PHKB: variants seen among roughly 807,000 people sequenced by gnomAD.
PHKB encodes phosphorylase kinase regulatory subunit beta.
PHKB carries 122 observed loss-of-function variants against 152.1 expected under a neutral mutation model. The observed-to-expected ratio is 0.80, with a 90% confidence interval of 0.69 to 0.93. The LOEUF is 0.93. PHKB is among the 40% of genes least tolerant of loss of function. The pLI is 0.00. For synonymous variants in PHKB, 436 were observed against 464.9 expected (o/e 0.94, Z 0.80); for missense variants, 1,304 against 1,328.4 (o/e 0.98, Z 0.29).
At chr16:47,626,369 A>G (rs1009907632) in intron 14 of PHKB, among the ~76,000 whole-genome samples, 6 of 152,186 alleles carry the variant, frequency 3.9e-5, no homozygotes, top group African/African-American at 1.4e-4. Context: ...TGGCCCTTGC[A>G]TTATCTTTCC....
At chr16:47,501,460 C>G (rs1488368751) in intron 3 of PHKB, among the ~76,000 whole-genome samples, 1 of 151,950 alleles carries the variant, frequency 6.6e-6, no homozygotes, top group African/African-American at 2.4e-5. Flanking sequence ...GTATTTGAGC[C>G]AAGACTATGT....
chr16:47,549,614 G>A (rs1361583866), intron 7 of PHKB, among the ~76,000 whole-genome samples: 1 of 152,124 alleles, frequency 6.6e-6, no homozygotes, highest in East Asian at 1.9e-4. Flanking sequence ...AGACTCTCTT[G>A]AACCTGGGAG....
chr16:47,495,485 C>G (rs755976873), intron 1 of PHKB, among the ~76,000 whole-genome samples: 2 of 152,058 alleles, frequency 1.3e-5, no homozygotes, highest in Non-Finnish European at 2.9e-5. Context: ...TAATAGAGAT[C>G]TAAATAAAAA....
At chr16:47,566,029 C>G (rs1971559179) in intron 7 of PHKB, 2 of 692,714 alleles carry the variant, frequency 2.9e-6, no homozygotes, top group Non-Finnish European at 5.1e-6. Flanking sequence ...CAGTCCTCAC[C>G]TCCTCTGTAG....
chr16:47,654,387 G>A (rs368496098), intron 20 of PHKB, among the ~76,000 whole-genome samples: 12 of 152,116 alleles, frequency 7.9e-5, no homozygotes, highest in Admixed American at 3.3e-4. Flanking sequence ...TGTGGATGTC[G>A]GTGTGGCGAT....
At chr16:47,566,423 T>C in intron 7 of PHKB, 5 of 1,609,048 alleles carry the variant, frequency 3.1e-6, no homozygotes, top group Non-Finnish European at 3.4e-6. Context: ...CTAGAGACTC[T>C]TCATTGAGAC....
Position 47,483,034 on chromosome 16 carries a change from C to CTT in PHKB, c.77-14345_77-14344dup, listed in dbSNP as rs35429055. ...CCATGCCTGGCCTATTAAATAATTT[C>CTT]TTTTTTTTTTTTTTTTTTTTTGGAG... On this transcript the variant is annotated intron_variant, in intron 1 of 30. Coordinates refer to ENST00000323584, the MANE Select transcript of PHKB (RefSeq NM_000293.3). Among the ~76,000 whole-genome samples, 880 of 91,824 alleles carry CTT rather than the reference C, an allele frequency of 9.6e-3. 19 individuals are homozygous for CTT. The highest frequency in any genetic ancestry group is 0.035 in the East Asian group (101 of 2,870). 60.2% of individuals were successfully genotyped at this position (91,824 alleles called of 152,430 possible). A position where few individuals can be genotyped will look rare whatever the true frequency, so the allele number is the denominator to read the frequency against.
chr16:47,571,715 C>T (rs1488025029), intron 7 of PHKB, among the ~76,000 whole-genome samples: 1 of 152,200 alleles, frequency 6.6e-6, no homozygotes, highest in Non-Finnish European at 1.5e-5. Context: ...CGTTGTTGAA[C>T]AAGAGGGAGA....
chr16:47,556,884 G>A (rs909135547), intron 7 of PHKB, among the ~76,000 whole-genome samples: 1 of 152,152 alleles, frequency 6.6e-6, no homozygotes, highest in African/African-American at 2.4e-5. Flanking sequence ...ATTCGGCTGT[G>A]AATCCATCTG....
At chr16:47,461,987 C>A (rs1969571251) in intron 1 of PHKB, 1 of 153,056 alleles carries the variant, frequency 6.5e-6, no homozygotes, top group African/African-American at 2.4e-5. Context: ...ATAGTTAGGG[C>A]CCAGAAAGAA....
At chr16:47,556,656 C>T (rs1971375738) in intron 7 of PHKB, among the ~76,000 whole-genome samples, 1 of 152,168 alleles carries the variant, frequency 6.6e-6, no homozygotes, top group Admixed American at 6.5e-5. Flanking sequence ...TGATGTGCTG[C>T]TGGATTCGGT....
intron 7 of PHKB, chr16:47,565,833 G>A (rs1971555466): frequency 7.3e-7 from 1 of 1,362,260 alleles, no homozygotes; most frequent in East Asian, 2.3e-5. Context: ...TCCAAAGACA[G>A]AAGCAGCTTG....
chr16:47,696,643 T>G (rs2142110740), intron 29 of PHKB, among the ~76,000 whole-genome samples, 155 bp downstream of exon 29: 1 of 152,256 alleles, frequency 6.6e-6, no homozygotes, highest in South Asian at 2.1e-4. Flanking sequence ...TTCCGGAACC[T>G]TGATCTCTCC....
intron 4 of PHKB, among the ~76,000 whole-genome samples, chr16:47,510,652 A>G (rs1970494620): frequency 6.6e-6 from 1 of 152,188 alleles, no homozygotes; most frequent in African/African-American, 2.4e-5. Flanking sequence ...GGGAGTCCAG[A>G]GGAAGGAATT....
At chr16:47,472,021 A>G (rs567617100) in intron 1 of PHKB, among the ~76,000 whole-genome samples, 3 of 152,296 alleles carry the variant, frequency 2.0e-5, no homozygotes, top group African/African-American at 7.2e-5. Flanking sequence ...GCACCACTGC[A>G]CTCCAGCCTG....
rs555608524 is a variant in PHKB at position 47,471,542 on chromosome 16, T to C, written c.76+10116T>C. The stretch of plus-strand genomic sequence containing the variant: ...AACACCTGGCACCATGCTGGGTGCA[T>C]AGGGCCACTCAATCTATGTTTGATA... On this transcript the variant is annotated intron_variant, in intron 1 of 30. Coordinates refer to ENST00000323584, the MANE Select transcript of PHKB (RefSeq NM_000293.3). Among the ~76,000 whole-genome samples the C allele has an allele frequency of 3.9e-5, 6 of 152,326 alleles. No homozygotes were observed. The East Asian group carries it at 9.7e-4, about 25-fold the overall frequency.
chr16:47,560,814 T>G (rs1971463464), intron 7 of PHKB, among the ~76,000 whole-genome samples: 1 of 152,124 alleles, frequency 6.6e-6, no homozygotes, highest in African/African-American at 2.4e-5. Context: ...ATAGAATTCT[T>G]TTTTACTCCA....
chr16:47,661,271 C>G (rs1973438858), intron 22 of PHKB, among the ~76,000 whole-genome samples: 1 of 152,128 alleles, frequency 6.6e-6, no homozygotes, highest in Admixed American at 6.5e-5. Flanking sequence ...ACACTCTAAA[C>G]AAGTCCCCTC....
intron 7 of PHKB, among the ~76,000 whole-genome samples, chr16:47,563,892 C>G (rs1971518746): frequency 6.6e-6 from 1 of 152,022 alleles, no homozygotes; most frequent in East Asian, 1.9e-4. Flanking sequence ...CTCCCACTTG[C>G]AAGGGAGAAG....
Sources: gnomAD v4.1 joint callset for allele counts (sites outside exome capture counted in the v4.1 genomes callset) on GRCh38, gnomAD v4.1.1 for gene constraint, MANE v1.5 for transcripts, NCBI Gene and HGNC (gene_info 2026-07-23, HGNC 2026-07-21) for gene names.